The following SLC3A2 variants were observed in gnomAD, a reference collection of about 807,000 sequenced individuals.
SLC3A2 encodes the protein solute carrier family 3 member 2, also known as amino acid transporter heavy chain SLC3A2.
In SLC3A2, 32 loss-of-function variants were observed where a neutral mutation model predicts 48.5. The ratio of observed to expected loss-of-function variants is 0.66; its 90% CI spans 0.50 to 0.89. The LOEUF is 0.89. SLC3A2 is among the 40% of genes least tolerant of loss of function. The probability of loss-of-function intolerance (pLI) is 0.00; values close to 1 mark genes in which losing one functional copy is unlikely to be tolerated. For missense variants in SLC3A2, 587 were observed against 680.7 expected, an observed-to-expected ratio of 0.86 and a Z score of 1.53; for synonymous variants, 277 against 288.8, an observed-to-expected ratio of 0.96 and a Z score of 0.41.
chr11:62,871,675 T>A (rs1379870101), intron 1 of SLC3A2: 1 of 612,346 alleles, frequency 1.6e-6, no homozygotes, highest in East Asian at 3.1e-5. Flanking sequence ...TACAGGTAAT[T>A]ATTATTTTAG....
At chr11:62,883,244 G>C in intron 3 of SLC3A2, 1 of 468,296 alleles carries the variant, frequency 2.1e-6, no homozygotes, top group Non-Finnish European at 3.9e-6. Flanking sequence ...GCCAGGAAGG[G>C]ACCTTCTCAG....
chr11:62,858,571 G>A (rs974318894), intron 1 of SLC3A2, among the ~76,000 whole-genome samples: 23 of 152,262 alleles, frequency 1.5e-4, no homozygotes, highest in African/African-American at 5.5e-4. Flanking sequence ...AAGGTGGAAC[G>A]AGAGACTTAG....
exon 1 of SLC3A2, chr11:62,856,227 C>A: frequency 6.6e-7 from 1 of 1,520,768 alleles, no homozygotes; most frequent in Non-Finnish European, 9.1e-7. Context: ...TCTGAGCTGC[C>A]CCTTGCCCAC....
chr11:62,881,128 G>A lies in SLC3A2; in HGVS notation c.105G>A (p.Ala35=), dbSNP rs1279352115. The A allele has an allele frequency of 1.9e-6, 3 of 1,606,084 alleles. No individual in the cohort carries two copies. Among genetic ancestry groups the A allele is most frequent in the Non-Finnish European group, 2.5e-6 (3 of 1,177,338 alleles). Reference sequence around the variant, plus strand: ...CGTCTGGGGCGGCCATGTCCCTGGCGGGAGCCGAGAAGAATGGTCTGGTGA... The same window carrying A: ...CGTCTGGGGCGGCCATGTCCCTGGCAGGAGCCGAGAAGAATGGTCTGGTGA... ...NAASGAAMSL[A]GAEKNGLVKI... The change falls in exon 1 of 9, where the codon GCG becomes GCA. Residue 35 remains alanine (A), a synonymous_variant. Coordinates refer to ENST00000338663, the MANE Select transcript of SLC3A2 (RefSeq NM_001013251.3). The surrounding 1 kb of genome is among the most constrained non-coding windows in gnomAD (Gnocchi z 4.0).
chr11:62,884,585 A>C lies in SLC3A2; in HGVS notation c.760-47A>C, dbSNP rs142020500. The C allele has an allele frequency of 1.5e-3, 2,434 of 1,613,300 alleles. 41 individuals are homozygous for C. The African/African-American group carries it at 0.03, about 20-fold the overall frequency. ...GGCGAGAACAGAGGGACTCAGCTAG[A>C]GCCTCATAATATTCTCTGGTCCTTG... On this transcript the variant is annotated intron_variant, in intron 4 of 8. Coordinates refer to ENST00000338663, the MANE Select transcript of SLC3A2 (RefSeq NM_001013251.3).
intron 1 of SLC3A2, chr11:62,856,479 C>A: frequency 9.2e-7 from 1 of 1,083,260 alleles, no homozygotes; most frequent in Non-Finnish European, 1.3e-6. Context: ...AAGACAGGAT[C>A]TGATTTTTTC....
At chr11:62,869,576 T>C (rs1166210466) in intron 1 of SLC3A2, among the ~76,000 whole-genome samples, 2 of 151,504 alleles carry the variant, frequency 1.3e-5, no homozygotes, top group Non-Finnish European at 2.9e-5. Flanking sequence ...TGATTTTTTT[T>C]CTTGATGATT....
upstream of SLC3A2, among the ~76,000 whole-genome samples, chr11:62,880,176 G>T (rs1034904062): frequency 1.3e-5 from 2 of 152,164 alleles, no homozygotes; most frequent in Admixed American, 6.5e-5. Context: ...AAGAAGGGGG[G>T]TGTCTACCTC....
intron 1 of SLC3A2, among the ~76,000 whole-genome samples, chr11:62,860,489 T>A (rs2085388019): frequency 1.3e-5 from 2 of 150,808 alleles, no homozygotes. Context: ...GCCGCCAGCA[T>A]GTCTAACCTC....
intron 7 of SLC3A2, among the ~76,000 whole-genome samples, chr11:62,887,014 A>T (rs1590638885): frequency 6.6e-6 from 1 of 152,176 alleles, no homozygotes; most frequent in Non-Finnish European, 1.5e-5. Context: ...CTATGATTAC[A>T]GGTGCGAGCC....
Position 62,881,632 on chromosome 11 carries a change from A to G in SLC3A2, c.424+185A>G. ...TCCCTCCTTTCTTTGAAGAAAGCCG[A>G]CCCGCCCCTCACTCCGTCACGAGGG... On this transcript the variant is annotated intron_variant, in intron 1 of 8. Transcript: ENST00000338663. The surrounding 1 kb of genome is among the most constrained non-coding windows in gnomAD (Gnocchi z 4.0). 3.1e-6 allele frequency: 3 copies of G among 961,794 alleles called. No individual in the cohort carries two copies. In the South Asian group the frequency reaches 5.4e-5, roughly 17 times the overall value. 59.6% of individuals were successfully genotyped at this position (961,794 alleles called of 1,614,324 possible). A position where few individuals can be genotyped will look rare whatever the true frequency, so the allele number is the denominator to read the frequency against.
upstream of SLC3A2, chr11:62,877,015 CT>C (rs1326132674): frequency 6.2e-5 from 54 of 864,210 alleles, no homozygotes; most frequent in Non-Finnish European, 7.4e-5. Flanking sequence ...CTGCCTTTGT[CT>C]TCACATGCTA....
chr11:62,873,192 T>C (rs1014435726), intron 1 of SLC3A2, among the ~76,000 whole-genome samples: 1 of 151,892 alleles, frequency 6.6e-6, no homozygotes, highest in Non-Finnish European at 1.5e-5. Context: ...TCAGCTAATT[T>C]AAAAAATTTT....
chr11:62,874,930 T>A (rs1191689651), intron 1 of SLC3A2, among the ~76,000 whole-genome samples: 1 of 152,098 alleles, frequency 6.6e-6, no homozygotes, highest in Non-Finnish European at 1.5e-5. Context: ...GTGCGACTAA[T>A]TTTTGTATTT....
chr11:62,884,387 T>A, intron 3 of SLC3A2, 70 bp from the exon 4 acceptor site: 1 of 1,549,536 alleles, frequency 6.5e-7, no homozygotes. Flanking sequence ...TGAGGTTTAG[T>A]GTGGGCTGGA....
chr11:62,867,272 G>A (rs1013958575), intron 1 of SLC3A2, among the ~76,000 whole-genome samples: 2 of 149,940 alleles, frequency 1.3e-5, no homozygotes, highest in Non-Finnish European at 3.0e-5. Context: ...GATTACAGGT[G>A]TGAGCCACCG....
At chr11:62,871,383 C>T (rs1475350483) in intron 1 of SLC3A2, among the ~76,000 whole-genome samples, 1 of 151,270 alleles carries the variant, frequency 6.6e-6, no homozygotes, top group African/African-American at 2.5e-5. Flanking sequence ...GGATTTCAGG[C>T]ACCCGCCACC....
At chr11:62,863,112 G>C (rs888446774) in intron 1 of SLC3A2, among the ~76,000 whole-genome samples, 1 of 152,084 alleles carries the variant, frequency 6.6e-6, no homozygotes, top group Admixed American at 6.6e-5. Context: ...GTAGAGACGG[G>C]GTTTCACCAT....
upstream of SLC3A2, among the ~76,000 whole-genome samples, chr11:62,879,914 G>A (rs1316414520): frequency 6.6e-6 from 1 of 152,230 alleles, no homozygotes; most frequent in Non-Finnish European, 1.5e-5. Context: ...TGCAGTACCA[G>A]CTGCCTCCAA....
Sources: gnomAD v4.1 joint callset for allele counts (sites outside exome capture counted in the v4.1 genomes callset) on GRCh38, gnomAD v4.1.1 for gene constraint, Gnocchi (gnomAD v3.1) non-coding constraint, MANE v1.5 for transcripts, NCBI Gene and HGNC (gene_info 2026-07-23, HGNC 2026-07-21) for gene names.